Variants in COL6A6 observed in about 807,000 individuals in gnomAD.
COL6A6 encodes the protein collagen alpha-6(VI) chain.
COL6A6 carries 183 observed loss-of-function variants against 208.6 expected under a neutral mutation model. The ratio of observed to expected loss-of-function variants is 0.88; its 90% CI spans 0.78 to 0.99. The LOEUF (loss-of-function observed/expected upper bound fraction) is 0.99, where lower values mean the gene tolerates loss of function less well. Among genes scored for constraint, COL6A6 ranks in the 50% least tolerant of loss-of-function variants. The pLI is 0.00. For synonymous variants in COL6A6, 973 were observed against 1,011.8 expected (o/e 0.96, Z 0.73); for missense variants, 2,816 against 2,815.2 (o/e 1.00, Z -0.01).
intron 28 of COL6A6, among the ~76,000 whole-genome samples, chr3:130,636,463 A>G (rs1446931181): frequency 6.6e-6 from 1 of 152,200 alleles, no homozygotes; most frequent in African/African-American, 2.4e-5. Flanking sequence ...AGACAGTCCT[A>G]AGATAATTGT....
At position 130,534,820 on chromosome 3, in the gene COL6A6, C is replaced by T. The variant is rs76221634; in HGVS notation, c.-32+17423C>T. Among the ~76,000 whole-genome samples the T allele has an allele frequency of 6.0e-3, 917 of 152,028 alleles. 4 individuals are homozygous for T. Among genetic ancestry groups the T allele is most frequent in the African/African-American group, 0.02 (818 of 41,502 alleles). ...CTTCGTTTTCTTTTCTGGGTTTAAT[C>T]GTAGTGTTTCACGTGAAAATCTAGA... On this transcript the variant is annotated intron_variant, in intron 1 of 36. Coordinates refer to ENST00000358511, the MANE Select transcript of COL6A6 (RefSeq NM_001102608.3).
In COL6A6 at chr3:130,656,615, T is replaced by C. The variant is rs374985549; in HGVS notation, c.5734-2061T>C. Among the ~76,000 whole-genome samples, 5 of 152,156 alleles carry C rather than the reference T, an allele frequency of 3.3e-5. No homozygotes were observed. The East Asian group carries it at 9.7e-4, about 30-fold the overall frequency. On this transcript the variant is annotated intron_variant, in intron 33 of 36. Coordinates refer to ENST00000358511, the MANE Select transcript of COL6A6 (RefSeq NM_001102608.3). ...TCAGCCCAGCCCCCAGGCTTCGGGC[T>C]CCCCCTGGCTTGAAGGTGGGGTTTC... is the stretch of plus-strand genomic sequence containing the variant.
rs1383973932 is a variant in COL6A6, at chr3:130,599,806, A to T, written c.4649A>T (p.Lys1550Met). ...CCCGGGACACCAGGCTCCAGAAGAA[A>T]GACAGTAAGAGCCCTTCTAGACAAG... is the stretch of plus-strand genomic sequence containing the variant. ...GPPGTPGSRRKTAAHGRRGHT... is the reference protein window; with the variant it reads ...GPPGTPGSRRMTAAHGRRGHT... Residue 1550 changes from lysine to methionine, a missense_variant, in exon 20 of 37, where the codon AAG becomes ATG. Coordinates refer to ENST00000358511, the MANE Select transcript of COL6A6 (RefSeq NM_001102608.3). The T allele has an allele frequency of 6.2e-7, 1 of 1,613,718 alleles. No individual in the cohort carries two copies.
At chr3:130,530,963 C>T (rs1207784747) in intron 1 of COL6A6, among the ~76,000 whole-genome samples, 5 of 151,596 alleles carry the variant, frequency 3.3e-5, no homozygotes, top group Admixed American at 6.6e-5. Context: ...CTCATAATTA[C>T]GTGAACCAAT....
At chr3:130,618,155 G>A (rs993027236) in intron 23 of COL6A6, among the ~76,000 whole-genome samples, 13 of 152,126 alleles carry the variant, frequency 8.5e-5, no homozygotes, top group African/African-American at 2.4e-4. Context: ...GTAAGAGTTT[G>A]GGAATCCTGT....
intron 36 of COL6A6, among the ~76,000 whole-genome samples, chr3:130,672,951 C>T (rs536416898): frequency 1.9e-4 from 28 of 147,254 alleles, no homozygotes; most frequent in African/African-American, 7.0e-4. Flanking sequence ...GCAAAGGTTG[C>T]AGTAAGCCGG....
chr3:130,634,814 A>G (rs547573186), intron 27 of COL6A6, among the ~76,000 whole-genome samples, 189 bp downstream of exon 27: 1 of 152,336 alleles, frequency 6.6e-6, no homozygotes, highest in South Asian at 2.1e-4. Flanking sequence ...TTAGGAGTGT[A>G]AGGCTTAAAA....
chr3:130,548,863 C>A (rs776103308), intron 1 of COL6A6, among the ~76,000 whole-genome samples: 5 of 152,182 alleles, frequency 3.3e-5, no homozygotes, highest in Non-Finnish European at 7.3e-5. Context: ...TCTGTATTTG[C>A]CTGTTAGTCT....
At chr3:130,638,110 G>C (rs917992577) in intron 28 of COL6A6, among the ~76,000 whole-genome samples, 14 of 151,496 alleles carry the variant, frequency 9.2e-5, no homozygotes, top group African/African-American at 2.9e-4. Context: ...CTGGTTTAGA[G>C]AGTCAAATAA....
chr3:130,609,861 C>T (rs1326840694), intron 22 of COL6A6, among the ~76,000 whole-genome samples: 1 of 151,886 alleles, frequency 6.6e-6, no homozygotes, highest in Non-Finnish European at 1.5e-5. Flanking sequence ...TGCCAAGATT[C>T]AGAGCAGTGC....
chr3:130,582,090 G>A (rs1165985591), intron 10 of COL6A6, 22 bp downstream of exon 10: 7 of 1,427,366 alleles, frequency 4.9e-6, no homozygotes, highest in Middle Eastern at 1.8e-4. Context: ...GGAGAAGTGG[G>A]AAGGGAGTGC....
Position 130,574,273 on chromosome 3 carries a change from A to C in COL6A6, c.3295A>C (p.Asn1099His). Residue 1099 changes from asparagine to histidine, a missense_variant, in exon 8 of 37, where the codon AAT (asparagine) becomes CAT (histidine). Transcript: ENST00000358511. ...YFRPDMGSRI[N>H]TGTPQVLLVL... ...CAGGCCAGACATGGGCAGCAGGATA[A>C]ATACAGGTACCCCACAGGTGCTGCT... is the stretch of plus-strand genomic sequence containing the variant. The C allele has an allele frequency of 1.2e-6, 2 of 1,613,994 alleles. No homozygotes were observed. The highest frequency in any genetic ancestry group is 1.7e-6 in the Non-Finnish European group (2 of 1,179,906).
intron 1 of COL6A6, among the ~76,000 whole-genome samples, chr3:130,529,991 C>T (rs1175823777): frequency 6.6e-6 from 1 of 152,180 alleles, no homozygotes; most frequent in Non-Finnish European, 1.5e-5. Context: ...TCACCTGGAA[C>T]ATTGTTTGAT....
At position 130,582,056 on chromosome 3, in the gene COL6A6, C is replaced by T; in HGVS notation, c.3958C>T (p.Leu1320Phe). 1 of 1,594,762 alleles carries T rather than the reference C, an allele frequency of 6.3e-7. No homozygotes were observed. Among genetic ancestry groups the T allele is most frequent in the East Asian group, 2.2e-5 (1 of 44,630 alleles). The change falls in exon 10 of 37, where the codon CTT (leucine) becomes TTT (phenylalanine). Residue 1320 changes from leucine to phenylalanine, a missense_variant. Physicochemically the swap from Leu to Phe is conservative, Grantham distance 22. Transcript: ENST00000358511. Reference protein sequence around the residue: ...VEKLEQKSDELRKEGLNALIT... With the variant: ...VEKLEQKSDEFRKEGLNALIT... ...GAAACTTGAACAAAAATCTGATGAACTTAGAAAAGAAGGTACTGAGTATGG... is the reference window on the plus strand; with the variant it reads ...GAAACTTGAACAAAAATCTGATGAATTTAGAAAAGAAGGTACTGAGTATGG...
intron 20 of COL6A6, among the ~76,000 whole-genome samples, chr3:130,600,479 T>C (rs1261666877): frequency 2.0e-5 from 3 of 152,134 alleles, no homozygotes; most frequent in Non-Finnish European, 2.9e-5. Context: ...TGCGCATCAA[T>C]GATAGACTGA....
intron 19 of COL6A6, among the ~76,000 whole-genome samples, chr3:130,598,964 G>A (rs9867740): frequency 0.016 from 2,443 of 152,266 alleles, 35 homozygotes; most frequent in Middle Eastern, 0.041. Flanking sequence ...GATTTTCTTG[G>A]ATAATGTTCC....
Position 130,661,920 on chromosome 3 carries a change from C to G in COL6A6, c.6114C>G (p.Tyr2038Ter). Residue 2038 changes from tyrosine (Y) to a stop codon, truncating the protein, a stop_gained, in exon 35 of 37, where the codon TAC becomes TAG. Coordinates refer to ENST00000358511, the MANE Select transcript of COL6A6 (RefSeq NM_001102608.3). LOFTEE classifies it high-confidence loss of function. ...PVRAEFNLTT[Y>*]RSKRLMKRHV... ...GAGCTGAGTTCAATCTTACCACCTA[C>G]AGAAGTAAGCGCCTCATGAAGAGGC... 1 of 1,613,976 alleles carries G rather than the reference C, an allele frequency of 6.2e-7. No individual in the cohort carries two copies. The highest frequency in any genetic ancestry group is 8.5e-7 in the Non-Finnish European group (1 of 1,179,886).
chr3:130,636,849 T>C (rs1182913227), intron 28 of COL6A6, among the ~76,000 whole-genome samples: 1 of 2,100 alleles, frequency 4.8e-4, no homozygotes, highest in Non-Finnish European at 6.4e-4. Context: ...CCCTTCCTCC[T>C]CCCCCCCTCC....
chr3:130,587,766 C>G (rs2063575423), intron 11 of COL6A6, among the ~76,000 whole-genome samples: 1 of 152,214 alleles, frequency 6.6e-6, no homozygotes, highest in Admixed American at 6.5e-5. Flanking sequence ...ATTTAAGCAG[C>G]TTGTTCAGTG....
Sources: allele counts gnomAD v4.1 joint callset (sites outside exome capture counted in the v4.1 genomes callset), GRCh38; gene constraint gnomAD v4.1.1; transcripts MANE v1.5; gene names NCBI Gene and HGNC (gene_info 2026-07-23, HGNC 2026-07-21).